The following SLC27A6 variants were observed in gnomAD, a reference collection of about 807,000 sequenced individuals.
SLC27A6 encodes solute carrier family 27 member 6.
A neutral mutation model predicts 63.9 loss-of-function variants in SLC27A6; 74 were observed. The ratio of observed to expected loss-of-function variants is 1.16; its 90% confidence interval spans 0.96 to 1.40. The LOEUF (loss-of-function observed/expected upper bound fraction) is 1.40. Among genes scored for constraint, SLC27A6 ranks in the 40% most tolerant of loss-of-function variants. SLC27A6 has a pLI of 0.00. For synonymous variants in SLC27A6, 287 were observed against 260.8 expected (o/e 1.10, Z -0.97); for missense variants, 794 against 732.9 (o/e 1.08, Z -0.96).
At chr5:128,978,649 T>A (rs1315302447) in intron 1 of SLC27A6, among the ~76,000 whole-genome samples, 1 of 152,198 alleles carries the variant, frequency 6.6e-6, no homozygotes, top group African/African-American at 2.4e-5. Context: ...GTATAACTTA[T>A]GAAAAATAGA....
chr5:128,971,406 G>C (rs986509849), intron 1 of SLC27A6, among the ~76,000 whole-genome samples: 1 of 152,036 alleles, frequency 6.6e-6, no homozygotes, highest in African/African-American at 2.4e-5. Context: ...TCTCTTTGTA[G>C]TTCTCTAAGG....
At chr5:129,022,852 GGTTGGACTA>G (rs1370738788) in intron 5 of SLC27A6, among the ~76,000 whole-genome samples, 17 of 152,134 alleles carry the variant, frequency 1.1e-4, no homozygotes, top group African/African-American at 4.1e-4. Context: ...AATAGGAGGA[GGTTGGACTA>G]AACCAGTCTG....
rs577854834 is a variant in SLC27A6 at position 129,004,505 on chromosome 5, T to C, written c.970-11380T>C. ...ACTTCATATCTTTCACTTGTGTGAGTGTGTAGGTAGGTTTTTGTGTATTCA... is the reference window on the plus strand; with the variant it reads ...ACTTCATATCTTTCACTTGTGTGAGCGTGTAGGTAGGTTTTTGTGTATTCA... On this transcript the variant is annotated intron_variant, in intron 4 of 9. Coordinates refer to ENST00000262462, the MANE Select transcript of SLC27A6 (RefSeq NM_001017372.3). Among the ~76,000 whole-genome samples, 3 of 152,176 alleles carry C rather than the reference T, an allele frequency of 2.0e-5. No individual in the cohort carries two copies. In the South Asian group the frequency reaches 6.2e-4, roughly 31 times the overall value.
chr5:129,011,436 T>A (rs749165804), intron 4 of SLC27A6, among the ~76,000 whole-genome samples: 1 of 152,236 alleles, frequency 6.6e-6, no homozygotes, highest in Non-Finnish European at 1.5e-5. Context: ...ACTTACTGGA[T>A]GCTTGGAGGT....
chr5:129,020,361 C>T (rs189646613), intron 5 of SLC27A6, among the ~76,000 whole-genome samples: 1 of 152,040 alleles, frequency 6.6e-6, no homozygotes. Context: ...GAAAGAATCA[C>T]CTTCAGTTAA....
chr5:128,988,162 C>A (rs777541284), intron 2 of SLC27A6, among the ~76,000 whole-genome samples: 1 of 152,138 alleles, frequency 6.6e-6, no homozygotes, highest in Non-Finnish European at 1.5e-5. Flanking sequence ...GTAAAAATGA[C>A]TACTTACCTA....
At chr5:129,026,040 T>C (rs996961381) in intron 6 of SLC27A6, among the ~76,000 whole-genome samples, 6 of 152,068 alleles carry the variant, frequency 3.9e-5, no homozygotes, top group African/African-American at 1.4e-4. Context: ...GAAGTTGAGG[T>C]GGGAGGATCG....
chr5:129,032,278 G>A (rs1015344018), intron 9 of SLC27A6, among the ~76,000 whole-genome samples: 2 of 151,958 alleles, frequency 1.3e-5, no homozygotes, highest in African/African-American at 4.8e-5. Flanking sequence ...ATATAAATAA[G>A]TAAATGCTTT....
intron 6 of SLC27A6, among the ~76,000 whole-genome samples, chr5:129,026,767 A>G (rs1397235264): frequency 2.0e-5 from 3 of 152,130 alleles, no homozygotes; most frequent in Non-Finnish European, 2.9e-5. Context: ...TATTAACACT[A>G]TCACTACATT....
Position 128,999,862 on chromosome 5 carries a change from A to T in SLC27A6, c.969+9398A>T, listed in dbSNP as rs184183519. Among the ~76,000 whole-genome samples, 7 of 152,250 alleles carry T rather than the reference A, an allele frequency of 4.6e-5. No individual in the cohort carries two copies. The East Asian group carries it at 1.2e-3, about 25-fold the overall frequency. ...CCCTACCCAAAGTTTGGGTAGACTG[A>T]TGTTATACATGCATCAAGAGAATAC... On this transcript the variant is annotated intron_variant, in intron 4 of 9. Coordinates refer to ENST00000262462, the MANE Select transcript of SLC27A6 (RefSeq NM_001017372.3).
intron 2 of SLC27A6, among the ~76,000 whole-genome samples, chr5:128,987,665 C>G (rs1289492668): frequency 6.6e-6 from 1 of 151,952 alleles, no homozygotes; most frequent in South Asian, 2.1e-4. Context: ...GTTGGAAAAT[C>G]TCTCAAAAAG....
chr5:128,996,782 A>G (rs1751175090), intron 4 of SLC27A6, among the ~76,000 whole-genome samples: 1 of 149,950 alleles, frequency 6.7e-6, no homozygotes, highest in Non-Finnish European at 1.5e-5. Context: ...AATGAAGAAG[A>G]TTCAGTAGTG....
chr5:128,973,659 G>A lies in SLC27A6; in HGVS notation c.481+7041G>A, dbSNP rs559475768. ...CAGTATTAGAGTGAGAGTATCCCGA[G>A]TTTCCAGGTACCGTCTGTCACAGCT... On this transcript the variant is annotated intron_variant, in intron 1 of 9. Transcript: ENST00000262462. Among the ~76,000 whole-genome samples, 118 of 152,308 alleles carry A rather than the reference G, an allele frequency of 7.7e-4. 1 individual carries two copies. Among genetic ancestry groups the A allele is most frequent in the African/African-American group, 2.7e-3 (113 of 41,576 alleles).
intron 1 of SLC27A6, among the ~76,000 whole-genome samples, chr5:128,984,507 C>T (rs1750719471): frequency 6.6e-6 from 1 of 152,158 alleles, no homozygotes; most frequent in African/African-American, 2.4e-5. Flanking sequence ...GAAACTTGTC[C>T]CTTTTTCTTT....
rs1049345039 is a variant in SLC27A6, at chr5:128,965,817, A to C, written c.-321A>C. 1 of 242,946 alleles carries C rather than the reference A, an allele frequency of 4.1e-6. No homozygotes were observed. Among genetic ancestry groups the C allele is most frequent in the East Asian group, 7.7e-5 (1 of 13,008 alleles). The allele number at this position is 242,946 out of a possible 1,614,324, so 15.0% of individuals were successfully genotyped here. A position where few individuals can be genotyped will look rare whatever the true frequency, so the allele number is the denominator to read the frequency against. ...TGTCGCGGTTGGGAGGCGAGGGCGC[A>C]GCGCTGGGGTTGTAGATTCCAAGAC... On this transcript the variant is annotated 5_prime_UTR_variant, in exon 1 of 10. Transcript: ENST00000262462.
Position 129,015,865 on chromosome 5 carries a change from A to C in SLC27A6, c.970-20A>C. ...TTAGAAACTGGAACTAATTACAAGT[A>C]AAACATTTTCTTCTAACAGAGAGAA... On this transcript the variant is annotated intron_variant, in intron 4 of 9. Transcript: ENST00000262462. 1 of 1,538,720 alleles carries C rather than the reference A, an allele frequency of 6.5e-7. No homozygotes were observed. The highest frequency in any genetic ancestry group is 8.8e-7 in the Non-Finnish European group (1 of 1,142,448).
intron 1 of SLC27A6, among the ~76,000 whole-genome samples, chr5:128,979,108 A>G (rs1432559704): frequency 1.4e-5 from 2 of 145,660 alleles, no homozygotes; most frequent in East Asian, 3.9e-4. Flanking sequence ...TATTCAACAA[A>G]TGGATGCAAT....
At chr5:128,996,582 G>T (rs1561620598) in intron 4 of SLC27A6, among the ~76,000 whole-genome samples, 1 of 151,632 alleles carries the variant, frequency 6.6e-6, no homozygotes, top group East Asian at 1.9e-4. Context: ...GAGTTTACAG[G>T]TTTTTTTTTA....
rs985602793 is a variant in SLC27A6, at chr5:129,033,174, A to G, written c.1752A>G (p.Pro584=). The G allele has an allele frequency of 6.2e-7, 1 of 1,609,736 alleles. No homozygotes were observed. The highest frequency in any genetic ancestry group is 1.1e-5 in the South Asian group (1 of 90,720). The stretch of plus-strand genomic sequence containing the variant: ...AGTTGGTGGAAGATGGATTTAATCC[A>G]CTGAAAATTTCTGAACCACTTTACT... ...KHQLVEDGFN[P]LKISEPLYFM... Residue 584 remains proline (P), a synonymous_variant, in exon 10 of 10, where the codon CCA becomes CCG. Coordinates refer to ENST00000262462, the MANE Select transcript of SLC27A6 (RefSeq NM_001017372.3).
Sources: gnomAD v4.1 joint callset for allele counts (sites outside exome capture counted in the v4.1 genomes callset) on GRCh38, gnomAD v4.1.1 for gene constraint, MANE v1.5 for transcripts, NCBI Gene and HGNC (gene_info 2026-07-23, HGNC 2026-07-21) for gene names.